The following DOCK9 variants were observed in gnomAD, a reference collection of about 807,000 sequenced individuals.
The protein encoded by DOCK9 is dedicator of cytokinesis 9, also known as dedicator of cytokinesis protein 9.
Under a neutral mutation model 263.3 loss-of-function variants are expected in DOCK9, and 89 were observed. The observed-to-expected ratio is 0.34, with a 90% confidence interval of 0.28 to 0.40. The LOEUF (loss-of-function observed/expected upper bound fraction) is 0.40, where lower values mean the gene tolerates loss of function less well. DOCK9 is among the 10% of genes least tolerant of loss of function. The pLI is 1.00. For missense variants in DOCK9, 2,140 were observed against 2,603.4 expected (o/e 0.82, Z 3.87); for synonymous variants, 976 against 973.1 (o/e 1.00, Z -0.06).
intron 1 of DOCK9, among the ~76,000 whole-genome samples, chr13:99,036,696 T>C (rs917441027): frequency 1.3e-5 from 2 of 152,154 alleles, no homozygotes; most frequent in African/African-American, 4.8e-5. Flanking sequence ...CACACCACCA[T>C]GCCCAGCTAA....
rs1412299743 is a variant in DOCK9, at chr13:98,903,419, C to T, written c.1036-307G>A. On this transcript the variant is annotated intron_variant, in intron 10 of 52. Coordinates refer to ENST00000682017, the MANE Select transcript of DOCK9 (RefSeq NM_001366683.2). Reference sequence around the variant, plus strand: ...CCATCCTGGCTAACCCAGTGAGACCCCGTCTCTACAAAAAATACAAAAAAA... The same window carrying T: ...CCATCCTGGCTAACCCAGTGAGACCTCGTCTCTACAAAAAATACAAAAAAA... 3.9e-5 allele frequency among the ~76,000 whole-genome samples: 6 copies of T among 151,952 alleles called. No individual in the cohort carries two copies. In the East Asian group the frequency reaches 5.8e-4, roughly 15 times the overall value.
chr13:98,888,407 C>T lies in DOCK9; in HGVS notation c.1930G>A (p.Val644Ile), dbSNP rs759730205. The change falls in exon 17 of 53, where the codon GTT becomes ATT. Residue 644 changes from valine (V) to isoleucine (I), a missense_variant. Transcript: ENST00000682017. ...PYTIYTNHLY[V>I]YPKYLKYDSQ... The stretch of plus-strand genomic sequence containing the variant: ...TCGTATTTCAAGTACTTAGGATAAA[C>T]GTAAAGGTGATTGGTGTAGATGGTG... 22 of 1,613,810 alleles carry T rather than the reference C, an allele frequency of 1.4e-5. No individual in the cohort carries two copies. Among genetic ancestry groups the T allele is most frequent in the Middle Eastern group, 1.6e-4 (1 of 6,084 alleles).
chr13:98,883,278 T>C, intron 22 of DOCK9, 147 bp from the exon 23 acceptor site: 1 of 768,236 alleles, frequency 1.3e-6, no homozygotes, highest in South Asian at 1.8e-5. Flanking sequence ...GACAGAGTCT[T>C]GCTCTGTCGC....
rs2058038858 is a variant in DOCK9 at position 98,956,141 on chromosome 13, GTAC to G, written c.127-593_127-591del. 3.3e-5 allele frequency among the ~76,000 whole-genome samples: 5 copies of G among 152,256 alleles called. No homozygotes were observed. In the South Asian group the frequency reaches 1.0e-3, roughly 32 times the overall value. Reference sequence around the variant, plus strand: ...GGCTGGGTCACAGCCAGGGGGGCAGGTACTACTTAAACCAGGGCTCATGGGTGA... The same window carrying G: ...GGCTGGGTCACAGCCAGGGGGGCAGGTACTTAAACCAGGGCTCATGGGTGA... On this transcript the variant is annotated intron_variant, in intron 1 of 52. Coordinates refer to ENST00000682017, the MANE Select transcript of DOCK9 (RefSeq NM_001366683.2).
intron 1 of DOCK9, among the ~76,000 whole-genome samples, chr13:99,072,406 G>T (rs192710696): frequency 3.6e-4 from 55 of 152,222 alleles, no homozygotes; most frequent in Non-Finnish European, 6.6e-4. Flanking sequence ...GTTCTGGGTG[G>T]CCAGGAGCAT....
chr13:99,020,371 G>C (rs1287013826), intron 1 of DOCK9, among the ~76,000 whole-genome samples: 1 of 152,082 alleles, frequency 6.6e-6, no homozygotes, highest in African/African-American at 2.4e-5. Flanking sequence ...GAGGTGGCTG[G>C]GGCTACCTCA....
intron 1 of DOCK9, among the ~76,000 whole-genome samples, chr13:99,061,926 C>A (rs1472256149): frequency 1.3e-5 from 2 of 151,878 alleles, no homozygotes; most frequent in African/African-American, 4.8e-5. Flanking sequence ...GACTGAAGTA[C>A]AATGGCGCCA....
At chr13:98,951,914 T>TTTTTTTTTTTTTTTTTGTTGG (rs2057467177) in intron 2 of DOCK9, among the ~76,000 whole-genome samples, 1 of 151,332 alleles carries the variant, frequency 6.6e-6, no homozygotes. Context: ...TTTTTTTTTT[T>TTTTTTTTTTTTTTTTTGTTGG]GAGATGGAGT....
chr13:98,881,956 G>A lies in DOCK9; in HGVS notation c.2611C>T (p.Leu871=). 6.2e-7 allele frequency: 1 copy of A among 1,601,384 alleles called. No individual in the cohort carries two copies. The highest frequency in any genetic ancestry group is 8.5e-7 in the Non-Finnish European group (1 of 1,174,228). The change falls in exon 24 of 53, where the codon CTA becomes TTA. Residue 871 remains leucine, a synonymous_variant. Transcript: ENST00000682017. ...GTGAGGACTCGGAACAGCTGGTTTA[G>A]GATAGTGGGCAAGAAGGCGATCATC... ...HVMIAFLPTI[L]NQLFRVLTRA...
chr13:98,870,695 G>A (rs2094162135), intron 27 of DOCK9, among the ~76,000 whole-genome samples: 1 of 152,020 alleles, frequency 6.6e-6, no homozygotes, highest in South Asian at 2.1e-4. Context: ...CTGATGTGAT[G>A]CAATAGTAAC....
chr13:98,806,080 C>T (rs143445326), intron 48 of DOCK9, among the ~76,000 whole-genome samples: 292 of 152,276 alleles, frequency 1.9e-3, no homozygotes, highest in Non-Finnish European at 3.7e-3. Flanking sequence ...GTTTCTTAAA[C>T]TGCATTTTTA....
intron 1 of DOCK9, among the ~76,000 whole-genome samples, chr13:99,001,766 C>T (rs78028082): frequency 6.6e-6 from 1 of 152,208 alleles, no homozygotes; most frequent in South Asian, 2.1e-4. Flanking sequence ...GGGAAGTTAT[C>T]GAAGCTCAAG....
At chr13:99,079,383 C>T (rs2042037291) in intron 1 of DOCK9, among the ~76,000 whole-genome samples, 1 of 152,110 alleles carries the variant, frequency 6.6e-6, no homozygotes, top group Admixed American at 6.5e-5. Flanking sequence ...ACACCTGTGA[C>T]CTCGAGGTAA....
At chr13:98,849,443 T>TA (rs1203988072) in intron 36 of DOCK9, among the ~76,000 whole-genome samples, 5 of 152,050 alleles carry the variant, frequency 3.3e-5, no homozygotes, top group Non-Finnish European at 5.9e-5. Flanking sequence ...TCTTTTTTTT[T>TA]TTTTTATTAT....
At chr13:98,884,893 G>C in intron 21 of DOCK9, 78 bp downstream of exon 21, 1 of 1,460,350 alleles carries the variant, frequency 6.8e-7, no homozygotes, top group Non-Finnish European at 9.3e-7. Flanking sequence ...TTTGCTTTTT[G>C]TGTGTTATTG....
intron 1 of DOCK9, among the ~76,000 whole-genome samples, chr13:98,967,879 G>T (rs1251573675): frequency 6.6e-6 from 1 of 152,054 alleles, no homozygotes; most frequent in African/African-American, 2.4e-5. Context: ...CCATTAAGTA[G>T]TATGTAATTT....
At chr13:98,878,710 A>T (rs560861666) in intron 27 of DOCK9, among the ~76,000 whole-genome samples, 1 of 152,306 alleles carries the variant, frequency 6.6e-6, no homozygotes, top group South Asian at 2.1e-4. Context: ...GAAGCTCTAA[A>T]CTGGATTCAA....
chr13:99,082,387 T>C (rs9517589), intron 1 of DOCK9, among the ~76,000 whole-genome samples: 46,392 of 151,330 alleles, frequency 0.31, 7,433 homozygotes, highest in East Asian at 0.43. Context: ...GGTGTGGTGG[T>C]GGGCGCCTAT....
intron 39 of DOCK9, chr13:98,832,102 C>A: frequency 4.0e-6 from 1 of 251,976 alleles, no homozygotes; most frequent in Non-Finnish European, 7.6e-6. Context: ...ACAGAGGTGC[C>A]ATTTGTGACA....
Sources: gnomAD v4.1 joint callset for allele counts (sites outside exome capture counted in the v4.1 genomes callset) on GRCh38, gnomAD v4.1.1 for gene constraint, MANE v1.5 for transcripts, NCBI Gene and HGNC (gene_info 2026-07-23, HGNC 2026-07-21) for gene names.